PACRG: variants seen among roughly 807,000 people sequenced by gnomAD.
PACRG encodes the protein parkin coregulated gene protein.
PACRG carries 29 observed loss-of-function variants against 29.7 expected under a neutral mutation model. The ratio of observed to expected loss-of-function variants is 0.98; its 90% CI spans 0.73 to 1.33. The LOEUF (loss-of-function observed/expected upper bound fraction) is 1.33, where lower values mean the gene tolerates loss of function less well. Among genes scored for constraint, PACRG ranks in the 40% most tolerant of loss-of-function variants. PACRG has a pLI of 0.00. For missense variants in PACRG, 279 were observed against 316.2 expected (o/e 0.88, Z 0.89); for synonymous variants, 116 against 118.7 (o/e 0.98, Z 0.15).
At chr6:162,826,381 G>A (rs1352404196) in intron 2 of PACRG, among the ~76,000 whole-genome samples, 2 of 151,846 alleles carry the variant, frequency 1.3e-5, no homozygotes, top group Non-Finnish European at 2.9e-5. Flanking sequence ...ATGTGTATGT[G>A]TGTATTTACA....
At chr6:162,992,966 A>C (rs1803595471) in intron 2 of PACRG, among the ~76,000 whole-genome samples, 1 of 151,378 alleles carries the variant, frequency 6.6e-6, no homozygotes, top group African/African-American at 2.4e-5. Flanking sequence ...GTTTCAAAGA[A>C]CATCTTTATT....
chr6:162,952,312 C>T (rs1799713231), intron 2 of PACRG, among the ~76,000 whole-genome samples: 1 of 152,086 alleles, frequency 6.6e-6, no homozygotes, highest in South Asian at 2.1e-4. Flanking sequence ...TTTTGCCTTT[C>T]AGCAGCTAGG....
At chr6:163,296,803 G>C (rs9347736) in intron 4 of PACRG, among the ~76,000 whole-genome samples, 68,786 of 152,012 alleles carry the variant, frequency 0.45, 15,648 homozygotes, top group Middle Eastern at 0.51. Context: ...GTAGCTTTTC[G>C]ATATGAGAAA....
intron 1 of PACRG, among the ~76,000 whole-genome samples, chr6:162,783,057 C>T (rs570288092): frequency 6.6e-6 from 1 of 151,734 alleles, no homozygotes; most frequent in Non-Finnish European, 1.5e-5. Context: ...TAACACAAAA[C>T]AAAAATCACT....
rs376521730 is a variant in PACRG at position 162,947,359 on chromosome 6, A to ATATGAT, written c.292-114791_292-114790insTATGAT. 9.5e-4 allele frequency among the ~76,000 whole-genome samples: 35 copies of ATATGAT among 36,702 alleles called. 8 individuals carry two copies. The highest frequency in any genetic ancestry group is 3.5e-3 in the Admixed American group (9 of 2,594). The allele number at this position is 36,702 out of a possible 152,430, so 24.1% of individuals were successfully genotyped here. A position where few individuals can be genotyped will look rare whatever the true frequency, so the allele number is the denominator to read the frequency against. On this transcript the variant is annotated intron_variant, in intron 2 of 4. Coordinates refer to ENST00000366888, the MANE Select transcript of PACRG (RefSeq NM_001080379.2). ...ATATATATAATGATTACATATATATAATGTAATCATATATAATCATATATA... is the reference window on the plus strand; with the variant it reads ...ATATATATAATGATTACATATATATATATGATATGTAATCATATATAATCATATATA...
intron 2 of PACRG, among the ~76,000 whole-genome samples, chr6:162,909,985 A>G (rs1453139147): frequency 6.6e-6 from 1 of 152,228 alleles, no homozygotes; most frequent in Non-Finnish European, 1.5e-5. Context: ...GTATAGTGTT[A>G]AAATCAGTGT....
At chr6:163,253,123 CCT>C (rs1483537150) in intron 4 of PACRG, among the ~76,000 whole-genome samples, 1 of 151,404 alleles carries the variant, frequency 6.6e-6, no homozygotes, top group Non-Finnish European at 1.5e-5. Flanking sequence ...GTGGCGAAAC[CCT>C]GTCTCTACTA....
chr6:162,956,340 T>A (rs1800032578), intron 2 of PACRG, among the ~76,000 whole-genome samples: 1 of 152,194 alleles, frequency 6.6e-6, no homozygotes, highest in Non-Finnish European at 1.5e-5. Flanking sequence ...GACAGTTTCC[T>A]TTTAAGTAGT....
At chr6:162,763,518 C>T (rs1782542969) in intron 1 of PACRG, among the ~76,000 whole-genome samples, 1 of 152,174 alleles carries the variant, frequency 6.6e-6, no homozygotes, top group Admixed American at 6.5e-5. Flanking sequence ...AAAGTCACAA[C>T]CCTTTTTGAA....
chr6:163,006,512 G>A (rs1805131133), intron 2 of PACRG, among the ~76,000 whole-genome samples: 1 of 151,410 alleles, frequency 6.6e-6, no homozygotes, highest in Admixed American at 6.6e-5. Context: ...TTGTATACTT[G>A]TTCTATCAGT....
intron 2 of PACRG, among the ~76,000 whole-genome samples, chr6:162,996,467 C>T (rs11968630): frequency 0.097 from 14,676 of 152,010 alleles, 2,024 homozygotes; most frequent in African/African-American, 0.3. Context: ...CCCCCCAAAA[C>T]CATTATACAC....
At position 162,772,293 on chromosome 6, in the gene PACRG, G is replaced by A. The variant is rs934991815; in HGVS notation, c.157-41854G>A. On this transcript the variant is annotated intron_variant, in intron 1 of 4. Transcript: ENST00000366888. ...TGAGAATAACTACGAGAGCAACAAA[G>A]TGTTGGATGCGGTAAAGCTTCCAGG... 5.3e-5 allele frequency among the ~76,000 whole-genome samples: 8 copies of A among 152,118 alleles called. No individual in the cohort carries two copies. In the South Asian group the frequency reaches 1.7e-3, roughly 32 times the overall value.
At chr6:163,019,869 TC>T (rs1350316081) in intron 2 of PACRG, among the ~76,000 whole-genome samples, 36 of 152,340 alleles carry the variant, frequency 2.4e-4, no homozygotes, top group African/African-American at 8.4e-4. Context: ...TCTCCCCCTT[TC>T]GCCTATAGAA....
chr6:163,226,911 T>C (rs1406741317), intron 4 of PACRG, among the ~76,000 whole-genome samples: 1 of 152,210 alleles, frequency 6.6e-6, no homozygotes, highest in Non-Finnish European at 1.5e-5. Flanking sequence ...GGTAAACTGA[T>C]CCTTTGTAGT....
At chr6:163,290,276 G>GCGCA (rs1455519448) in intron 4 of PACRG, among the ~76,000 whole-genome samples, 1 of 127,620 alleles carries the variant, frequency 7.8e-6, no homozygotes, top group African/African-American at 3.3e-5. Context: ...ACGCGCGCGC[G>GCGCA]CGCACACACA....
chr6:163,188,509 A>G (rs950229140), intron 4 of PACRG, among the ~76,000 whole-genome samples: 12 of 152,316 alleles, frequency 7.9e-5, no homozygotes, highest in African/African-American at 2.6e-4. Context: ...GAATCAGGCC[A>G]CTGATCCTCA....
intron 4 of PACRG, among the ~76,000 whole-genome samples, chr6:163,147,636 CAT>C (rs1211566610): frequency 3.9e-5 from 6 of 152,240 alleles, no homozygotes; most frequent in Non-Finnish European, 7.3e-5. Context: ...CCTTTTATCA[CAT>C]GTCTTCCCCC....
chr6:162,846,263 A>G (rs1182197656), intron 2 of PACRG, among the ~76,000 whole-genome samples: 2 of 152,152 alleles, frequency 1.3e-5, no homozygotes, highest in African/African-American at 4.8e-5. Context: ...AGGGAGCACA[A>G]CTTCACAGGA....
At chr6:162,855,182 A>G (rs1791278895) in intron 2 of PACRG, among the ~76,000 whole-genome samples, 1 of 152,214 alleles carries the variant, frequency 6.6e-6, no homozygotes, top group African/African-American at 2.4e-5. Flanking sequence ...GATAATGCCC[A>G]GCGCTGACAC....
Sources: allele counts gnomAD v4.1 joint callset (sites outside exome capture counted in the v4.1 genomes callset), GRCh38; gene constraint gnomAD v4.1.1; transcripts MANE v1.5; gene names NCBI Gene and HGNC (gene_info 2026-07-23, HGNC 2026-07-21).